The following EYS variants were observed in gnomAD, a reference collection of about 807,000 sequenced individuals.
EYS encodes EGF-like photoreceptor maintenance factor.
In EYS, 250 loss-of-function variants were observed where a neutral mutation model predicts 282.1. That is an observed-to-expected ratio of 0.89 (90% CI 0.80 to 0.98). EYS has a LOEUF of 0.98. Among genes scored for constraint, EYS ranks in the 50% least tolerant of loss-of-function variants. The probability of loss-of-function intolerance (pLI) is 0.00; values close to 1 mark genes in which losing one functional copy is unlikely to be tolerated. For missense variants in EYS, 4,016 were observed against 3,709.0 expected (o/e 1.08, Z -2.15); for synonymous variants, 1,355 against 1,282.9 (o/e 1.06, Z -1.20).
At chr6:64,868,160 CAA>C (rs1766482836) in intron 19 of EYS, among the ~76,000 whole-genome samples, 1 of 151,366 alleles carries the variant, frequency 6.6e-6, no homozygotes, top group Admixed American at 6.6e-5. Flanking sequence ...AAAATCACTT[CAA>C]GTCTTCTGAT....
intron 22 of EYS, among the ~76,000 whole-genome samples, chr6:64,701,088 T>C (rs1770770944): frequency 6.6e-6 from 1 of 152,074 alleles, no homozygotes; most frequent in South Asian, 2.1e-4. Flanking sequence ...TCCATTGATA[T>C]TTGACAAAGC....
In EYS at chr6:64,684,071, C is replaced by T. The variant is rs568571258; in HGVS notation, c.3444-57826G>A. On this transcript the variant is annotated intron_variant, in intron 22 of 42. Transcript: ENST00000503581. ...ACTCTCTCACTCTTTCTTTTACCTT[C>T]ACCTTCGTTTCAGAGCCTTACAATG... Among the ~76,000 whole-genome samples, 5 of 152,300 alleles carry T rather than the reference C, an allele frequency of 3.3e-5. No homozygotes were observed. The South Asian group carries it at 8.3e-4, about 25-fold the overall frequency.
At chr6:65,389,867 A>G (rs535582154) in intron 7 of EYS, among the ~76,000 whole-genome samples, 1 of 152,192 alleles carries the variant, frequency 6.6e-6, no homozygotes, top group South Asian at 2.1e-4. Context: ...TGGAACATAG[A>G]AAAAGAGAAT....
At chr6:65,378,418 G>A (rs9453288) in intron 8 of EYS, among the ~76,000 whole-genome samples, 30,091 of 152,006 alleles carry the variant, frequency 0.2, 3,171 homozygotes, top group South Asian at 0.35. Flanking sequence ...AAATAGGAAC[G>A]CTTTTACACT....
At chr6:65,056,149 G>T (rs1383134531) in intron 13 of EYS, among the ~76,000 whole-genome samples, 2 of 151,680 alleles carry the variant, frequency 1.3e-5, no homozygotes, top group Non-Finnish European at 2.9e-5. Flanking sequence ...CTTTATTTTG[G>T]TGCTCAAATC....
chr6:64,348,965 G>C (rs916627390), intron 29 of EYS, among the ~76,000 whole-genome samples: 1 of 151,280 alleles, frequency 6.6e-6, no homozygotes, highest in Non-Finnish European at 1.5e-5. Context: ...CTTTTATTAG[G>C]ACTTTGAATA....
At chr6:65,393,721 A>G (rs1200753696) in intron 7 of EYS, among the ~76,000 whole-genome samples, 1 of 152,082 alleles carries the variant, frequency 6.6e-6, no homozygotes, top group Non-Finnish European at 1.5e-5. Context: ...ATTTATCACA[A>G]GCCAAATAAA....
chr6:64,699,477 AAAAGTT>A (rs1770707390), intron 22 of EYS, among the ~76,000 whole-genome samples: 1 of 152,102 alleles, frequency 6.6e-6, no homozygotes. Flanking sequence ...AACTTAAAAT[AAAAGTT>A]AATTAAATGA....
chr6:63,852,156 CAAAAAAAAAAAAA>C (rs67772165), intron 36 of EYS, among the ~76,000 whole-genome samples: 11 of 54,986 alleles, frequency 2.0e-4, no homozygotes, highest in East Asian at 7.5e-4. Flanking sequence ...GACTCTGTCT[CAAAAAAAAAAAAA>C]AAAAAAAAAA....
rs147532566 is a variant in EYS, at chr6:65,017,687, C to T, written c.2138-19984G>A. On this transcript the variant is annotated intron_variant, in intron 13 of 42. Coordinates refer to ENST00000503581, the MANE Select transcript of EYS (RefSeq NM_001142800.2). Reference sequence around the variant, plus strand: ...AAGGAACAAAATAAAAATAATATCACTCCACACTCATATCTGAGCACAGAC... The same window carrying T: ...AAGGAACAAAATAAAAATAATATCATTCCACACTCATATCTGAGCACAGAC... Among the ~76,000 whole-genome samples, 339 of 152,306 alleles carry T rather than the reference C, an allele frequency of 2.2e-3. 1 individual carries two copies. The highest frequency in any genetic ancestry group is 7.9e-3 in the African/African-American group (327 of 41,562).
intron 12 of EYS, among the ~76,000 whole-genome samples, chr6:65,102,938 T>C (rs984836703): frequency 1.9e-4 from 29 of 151,546 alleles, no homozygotes; most frequent in African/African-American, 6.7e-4. Flanking sequence ...TGACATGACA[T>C]GACTGTACAA....
At chr6:64,252,756 A>G (rs1767263258) in intron 30 of EYS, among the ~76,000 whole-genome samples, 1 of 151,942 alleles carries the variant, frequency 6.6e-6, no homozygotes, top group Non-Finnish European at 1.5e-5. Flanking sequence ...TTTGCCTGAC[A>G]CTCCTCTAGT....
chr6:65,367,577 C>A (rs1376803373), intron 8 of EYS, among the ~76,000 whole-genome samples: 1 of 151,532 alleles, frequency 6.6e-6, no homozygotes, highest in Non-Finnish European at 1.5e-5. Context: ...ATTAATCTAT[C>A]ACTTCTTATA....
chr6:64,393,664 C>G (rs1206755215), intron 28 of EYS, among the ~76,000 whole-genome samples: 2 of 149,826 alleles, frequency 1.3e-5, no homozygotes, highest in African/African-American at 2.5e-5. Flanking sequence ...GACAAACCCA[C>G]AGCCAATATC....
chr6:65,593,431 C>T (rs923200929), intron 2 of EYS, among the ~76,000 whole-genome samples: 5 of 151,982 alleles, frequency 3.3e-5, no homozygotes, highest in African/African-American at 4.8e-5. Context: ...AAAATCAATG[C>T]CTTAGGGCAT....
chr6:63,962,629 G>A (rs1460712032), intron 35 of EYS, among the ~76,000 whole-genome samples: 3 of 152,310 alleles, frequency 2.0e-5, no homozygotes, highest in Non-Finnish European at 4.4e-5. Flanking sequence ...GAGAGGATGT[G>A]GAGAAAAAGG....
chr6:64,709,312 G>A (rs6940686), intron 22 of EYS, among the ~76,000 whole-genome samples: 137,255 of 152,160 alleles, frequency 0.9, 62,941 homozygotes, highest in Non-Finnish European at 0.99. Context: ...ATCAAACACT[G>A]CATAGGGCAT....
chr6:63,832,380 G>A (rs962024584), intron 36 of EYS, among the ~76,000 whole-genome samples: 1 of 151,902 alleles, frequency 6.6e-6, no homozygotes, highest in African/African-American at 2.4e-5. Context: ...AATGATGAAG[G>A]GGATATCACC....
At chr6:65,297,274 A>G (rs1297614541) in intron 11 of EYS, among the ~76,000 whole-genome samples, 1 of 151,946 alleles carries the variant, frequency 6.6e-6, no homozygotes, top group Non-Finnish European at 1.5e-5. Flanking sequence ...TAACATTAGC[A>G]TATAAATATG....
Sources: gnomAD v4.1 joint callset for allele counts (sites outside exome capture counted in the v4.1 genomes callset) on GRCh38, gnomAD v4.1.1 for gene constraint, MANE v1.5 for transcripts, NCBI Gene and HGNC (gene_info 2026-07-23, HGNC 2026-07-21) for gene names.